Variants in COLEC10 observed in about 807,000 individuals in gnomAD.
COLEC10 encodes the protein collectin-10.
A neutral mutation model predicts 28.4 loss-of-function variants in COLEC10; 22 were observed. That is an observed-to-expected ratio of 0.78 (90% CI 0.55 to 1.11). The LOEUF (loss-of-function observed/expected upper bound fraction) is 1.11. COLEC10 is among the 50% of genes least tolerant of loss of function. COLEC10 has a pLI of 0.00. For synonymous variants in COLEC10, 125 were observed against 116.1 expected, an observed-to-expected ratio of 1.08 and a Z score of -0.49; for missense variants, 361 against 344.1, an observed-to-expected ratio of 1.05 and a Z score of -0.39.
At chr8:119,070,479 T>TCTCTCTCTCCC (rs1815089267) in intron 1 of COLEC10, among the ~76,000 whole-genome samples, 1 of 25,084 alleles carries the variant, frequency 4.0e-5, no homozygotes, top group African/African-American at 2.4e-4. Context: ...CTCTCTCTCC[T>TCTCTCTCTCCC]TCCCCCTCCT....
intron 3 of COLEC10, among the ~76,000 whole-genome samples, chr8:119,096,581 A>T (rs1815723317): frequency 6.6e-6 from 1 of 152,072 alleles, no homozygotes; most frequent in Non-Finnish European, 1.5e-5. Flanking sequence ...ACAGAGTGAG[A>T]CTGCATCTCA....
In COLEC10 at chr8:119,089,737, G is replaced by A. The variant is rs200624515; in HGVS notation, c.206G>A (p.Arg69His). ...GEEGKHGKVG[R>H]MGPKGIKGEL... ...GAGGGAAAGCATGGCAAAGTGGGAC[G>A]CATGGGGCCGAAAGGTAACTAAAAT... Residue 69 changes from arginine to histidine, a missense_variant, in exon 2 of 6, where the codon CGC (arginine) becomes CAC (histidine). Coordinates refer to ENST00000332843, the MANE Select transcript of COLEC10 (RefSeq NM_006438.5). 18 of 1,613,180 alleles carry A rather than the reference G, an allele frequency of 1.1e-5. No homozygotes were observed. The East Asian group carries it at 2.0e-4, about 18-fold the overall frequency.
rs145480417 is a variant in COLEC10, at chr8:119,014,756, T to C, written n.235+5203T>C. Among the ~76,000 whole-genome samples the C allele has an allele frequency of 8.3e-4, 125 of 151,280 alleles. 11 individuals are homozygous for C. The highest frequency in any genetic ancestry group is 2.7e-3 in the African/African-American group (111 of 40,598). ...ATATTCTGCTCTGTTTTTGTTTGCT[T>C]CTTTTTTGCTTTTATTCTCTTTGCT... is the stretch of plus-strand genomic sequence containing the variant. On this transcript the variant is annotated intron_variant and non_coding_transcript_variant, in intron 2 of 6. Transcript: ENST00000521788.
At chr8:119,075,724 G>C (rs192797520) in intron 1 of COLEC10, among the ~76,000 whole-genome samples, 1 of 152,018 alleles carries the variant, frequency 6.6e-6, no homozygotes, top group African/African-American at 2.4e-5. Context: ...TACTGCTCTT[G>C]CATGCGATTT....
upstream of COLEC10, among the ~76,000 whole-genome samples, chr8:119,062,670 G>A (rs938220216): frequency 1.3e-5 from 2 of 151,926 alleles, no homozygotes; most frequent in African/African-American, 4.8e-5. Context: ...AGTAGAGACG[G>A]GGTTTCACCA....
In COLEC10 at chr8:119,007,152, C is replaced by T. The variant is rs564216925; in HGVS notation, n.123-2289C>T. Among the ~76,000 whole-genome samples, 8 of 152,154 alleles carry T rather than the reference C, an allele frequency of 5.3e-5. No homozygotes were observed. In the East Asian group the frequency reaches 9.7e-4, roughly 18 times the overall value. ...GTTCCCTAGGAATATCGCCAAACCA[C>T]GTTAGACTGAAAAACTTTGTGTTAA... On this transcript the variant is annotated intron_variant and non_coding_transcript_variant, in intron 1 of 6. Coordinates refer to the COLEC10 transcript ENST00000521788.
At chr8:118,984,329 CT>C in the COLEC10 span, among the ~76,000 whole-genome samples, 38 of 152,070 alleles carry the variant, frequency 2.5e-4, no homozygotes, top group Non-Finnish European at 5.3e-4. Flanking sequence ...CTGAGGCCTA[CT>C]TGAGGGTACA....
intron 2 of COLEC10, among the ~76,000 whole-genome samples, chr8:119,017,435 C>T (rs1284790938): frequency 6.6e-6 from 1 of 152,140 alleles, no homozygotes; most frequent in Non-Finnish European, 1.5e-5. Flanking sequence ...TAAGTAGGTT[C>T]CATACCAGCT....
intron 1 of COLEC10, among the ~76,000 whole-genome samples, chr8:119,085,484 G>A (rs557892560): frequency 4.6e-5 from 7 of 152,084 alleles, no homozygotes; most frequent in African/African-American, 1.7e-4. Context: ...GAAGATGTAA[G>A]TAGGAGTGGG....
chr8:119,079,618 A>G (rs930123704), intron 1 of COLEC10, among the ~76,000 whole-genome samples: 17 of 33,394 alleles, frequency 5.1e-4, no homozygotes, highest in Admixed American at 4.6e-3. Flanking sequence ...TCCCACCCCC[A>G]CCCACTTACT....
At chr8:119,024,535 C>A (rs1488212807) in intron 2 of COLEC10, among the ~76,000 whole-genome samples, 3 of 151,138 alleles carry the variant, frequency 2.0e-5, no homozygotes, top group Non-Finnish European at 2.9e-5. Context: ...AACACACAAA[C>A]ACACACATAC....
chr8:119,085,599 C>CTTCTTTTTTTTTTTTTTTTTT (rs1563739053), intron 1 of COLEC10, among the ~76,000 whole-genome samples: 1 of 63,554 alleles, frequency 1.6e-5, no homozygotes, highest in Non-Finnish European at 3.4e-5. Context: ...TCTTCTTCTT[C>CTTCTTTTTTTTTTTTTTTTTT]TTTTTTTTTT....
chr8:119,092,110 C>T lies in COLEC10; in HGVS notation c.292+890C>T, dbSNP rs183416010. ...TTTGAGATGGAGTCTTGCTCTGTCA[C>T]CCAGGCTGGAGTGCAGTGGTGGGAT... On this transcript the variant is annotated intron_variant, in intron 3 of 5. Coordinates refer to ENST00000332843, the MANE Select transcript of COLEC10 (RefSeq NM_006438.5). Among the ~76,000 whole-genome samples the T allele has an allele frequency of 2.4e-3, 351 of 148,192 alleles. 2 individuals are homozygous for T. Among genetic ancestry groups the T allele is most frequent in the African/African-American group, 8.5e-3 (340 of 40,028 alleles).
chr8:118,958,459 T>G, the COLEC10 span, among the ~76,000 whole-genome samples: 1 of 152,234 alleles, frequency 6.6e-6, no homozygotes, highest in African/African-American at 2.4e-5. Context: ...CACCAGAGGC[T>G]GCATCTAGAA....
At chr8:119,052,761 G>GGTTTCA (rs1283793732) in intron 2 of COLEC10, among the ~76,000 whole-genome samples, 1 of 152,116 alleles carries the variant, frequency 6.6e-6, no homozygotes, top group Admixed American at 6.5e-5. Context: ...TGAAAGACTT[G>GGTTTCA]TTGCTGGTGG....
chr8:119,032,616 C>T (rs1021751787), intron 2 of COLEC10, among the ~76,000 whole-genome samples: 1 of 152,134 alleles, frequency 6.6e-6, no homozygotes, highest in African/African-American at 2.4e-5. Flanking sequence ...AAACAAAGGC[C>T]TTCTGCCCCG....
At chr8:118,954,833 A>G in the COLEC10 span, among the ~76,000 whole-genome samples, 1 of 152,214 alleles carries the variant, frequency 6.6e-6, no homozygotes, top group Non-Finnish European at 1.5e-5. Flanking sequence ...AAGACACTTT[A>G]TCTCTTTAGC....
intron 2 of COLEC10, among the ~76,000 whole-genome samples, chr8:119,061,442 G>GA (rs757476980): frequency 2.6e-3 from 192 of 74,546 alleles, no homozygotes; most frequent in Middle Eastern, 0.021. Flanking sequence ...AGCTGGTATT[G>GA]AAAAAAAAAA....
At chr8:119,089,203 C>T (rs576502742) in intron 1 of COLEC10, among the ~76,000 whole-genome samples, 1 of 152,308 alleles carries the variant, frequency 6.6e-6, no homozygotes, top group Admixed American at 6.5e-5. Context: ...AGTTGCCACT[C>T]ATGGAAAACT....
Sources: gnomAD v4.1 joint callset for allele counts (sites outside exome capture counted in the v4.1 genomes callset) on GRCh38, gnomAD v4.1.1 for gene constraint, MANE v1.5 for transcripts, NCBI Gene and HGNC (gene_info 2026-07-23, HGNC 2026-07-21) for gene names.